The following PSPH variants were observed in gnomAD, a reference collection of about 807,000 sequenced individuals.
The protein encoded by PSPH is L-3-phosphoserine phosphatase.
In PSPH, 16 loss-of-function variants were observed where a neutral mutation model predicts 23.4. The ratio of observed to expected loss-of-function variants is 0.68; its 90% CI spans 0.46 to 1.04. The LOEUF (loss-of-function observed/expected upper bound fraction) is 1.04, where lower values mean the gene tolerates loss of function less well. Ranked by LOEUF, PSPH falls within the 50% of genes least tolerant of loss-of-function variation. The pLI, the probability that PSPH is intolerant of heterozygous loss-of-function variation, is 0.00. For synonymous variants in PSPH, 68 were observed against 99.7 expected (o/e 0.68, Z 1.89); for missense variants, 223 against 273.7 (o/e 0.81, Z 1.31).
rs1789377398 is a variant in PSPH, at chr7:56,021,291, C to A, written c.-19-60G>T. 5 of 1,412,014 alleles carry A rather than the reference C, an allele frequency of 3.5e-6. No individual in the cohort carries two copies. The Admixed American group carries it at 1.1e-4, about 32-fold the overall frequency. The allele number at this position is 1,412,014 out of a possible 1,614,324, so 87.5% of individuals were successfully genotyped here. On this transcript the variant is annotated intron_variant, in intron 3 of 7. Coordinates refer to ENST00000275605, the MANE Select transcript of PSPH (RefSeq NM_004577.4). ...CAAATAAAATTATGAAAAGATCCCA[C>A]CTTGCCTACTAAGCCAATCTAATTT... is the stretch of plus-strand genomic sequence containing the variant.
intron 1 of PSPH, among the ~76,000 whole-genome samples, chr7:56,042,308 G>C (rs1008831774): frequency 1.3e-5 from 2 of 151,770 alleles, no homozygotes; most frequent in African/African-American, 4.8e-5. Context: ...AGAGATTCAT[G>C]GAAAACATGA....
chr7:56,031,956 A>G lies in PSPH; in HGVS notation c.-47T>C, dbSNP rs1171164879. ...TTCTCCAGTGCTAGATTTCTAGGAG[A>G]CGACACTCTTCTGTTCCTTCCCTAG... On this transcript the variant is annotated 5_prime_UTR_variant, in exon 3 of 8. Transcript: ENST00000275605. 6.5e-6 allele frequency: 1 copy of G among 153,338 alleles called. No homozygotes were observed. Among genetic ancestry groups the G allele is most frequent in the Non-Finnish European group, 1.5e-5 (1 of 68,044 alleles). The allele number at this position is 153,338 out of a possible 1,614,324, so 9.5% of individuals were successfully genotyped here. A position where few individuals can be genotyped will look rare whatever the true frequency, so the allele number is the denominator to read the frequency against.
chr7:56,045,389 G>A (rs763287086), intron 1 of PSPH, among the ~76,000 whole-genome samples: 20 of 152,028 alleles, frequency 1.3e-4, no homozygotes, highest in Admixed American at 5.9e-4. Context: ...CTTGAGCCCA[G>A]AAGGTCGAGG....
At chr7:56,017,716 CTT>C (rs35860273) in intron 5 of PSPH, among the ~76,000 whole-genome samples, 1 of 82,384 alleles carries the variant, frequency 1.2e-5, no homozygotes, top group African/African-American at 4.8e-5. Context: ...CACCCAGTTA[CTT>C]TTTTTTTTTT....
At chr7:56,044,099 C>T (rs1040687095) in intron 1 of PSPH, among the ~76,000 whole-genome samples, 5 of 151,852 alleles carry the variant, frequency 3.3e-5, no homozygotes, top group African/African-American at 9.7e-5. Context: ...TGGGAATACA[C>T]GCCTGGCTAA....
chr7:56,012,626 TA>T (rs1788036644), intron 7 of PSPH, among the ~76,000 whole-genome samples: 2 of 151,342 alleles, frequency 1.3e-5, no homozygotes, highest in Non-Finnish European at 2.9e-5. Context: ...AAGCTAACAG[TA>T]AAAAGACTCA....
chr7:56,034,732 G>C (rs1791499390), intron 1 of PSPH, among the ~76,000 whole-genome samples: 1 of 152,102 alleles, frequency 6.6e-6, no homozygotes, highest in Non-Finnish European at 1.5e-5. Context: ...TAGCCAGGAT[G>C]GTCTCGATTT....
intron 1 of PSPH, among the ~76,000 whole-genome samples, chr7:56,045,967 T>C (rs1793184385): frequency 1.3e-5 from 2 of 150,352 alleles, no homozygotes; most frequent in African/African-American, 4.9e-5. Flanking sequence ...CAGCAAGCAG[T>C]GTGGGCAGTA....
chr7:56,049,906 G>A (rs969528438), intron 1 of PSPH, among the ~76,000 whole-genome samples: 2 of 150,532 alleles, frequency 1.3e-5, no homozygotes, highest in African/African-American at 4.9e-5. Context: ...AGGCCAGGCT[G>A]ATGTATTTTT....
chr7:56,029,993 A>AG (rs1051372157), intron 3 of PSPH, among the ~76,000 whole-genome samples: 166 of 88,420 alleles, frequency 1.9e-3, no homozygotes, highest in Non-Finnish European at 1.1e-3. Context: ...AAAAAAAAAG[A>AG]AAAAAAAAAA....
intron 5 of PSPH, among the ~76,000 whole-genome samples, 178 bp from the exon 6 acceptor site, chr7:56,017,557 C>CTT (rs966985189): frequency 6.9e-6 from 1 of 145,872 alleles, no homozygotes; most frequent in African/African-American, 2.5e-5. Flanking sequence ...TTTTCTTTTT[C>CTT]TTTTTTTTTT....
chr7:56,050,768 T>C (rs1056721078), intron 1 of PSPH, among the ~76,000 whole-genome samples: 1 of 152,208 alleles, frequency 6.6e-6, no homozygotes, highest in African/African-American at 2.4e-5. Flanking sequence ...ATTCATAGAG[T>C]ACCCAGGGGT....
intron 1 of PSPH, among the ~76,000 whole-genome samples, chr7:56,043,639 C>T (rs1028872904): frequency 2.0e-5 from 3 of 150,116 alleles, no homozygotes; most frequent in African/African-American, 7.3e-5. Flanking sequence ...CAACATGAGA[C>T]CACCCCTCCC....
Position 56,017,344 on chromosome 7 carries a change from T to C in PSPH, c.311A>G (p.Gln104Arg). The part of the protein sequence containing the change: ...LVSRLQERNV[Q>R]VFLISGGFRS... ...AAAGCCACCAGATATTAGGAAAACC[T>C]GAACATTTCGCTCCTGTAGGCGACT... The change falls in exon 6 of 8, where the codon CAG becomes CGG. Residue 104 changes from glutamine to arginine, a missense_variant. Physicochemically the swap from Gln to Arg is conservative, Grantham distance 43. Coordinates refer to ENST00000275605, the MANE Select transcript of PSPH (RefSeq NM_004577.4). The C allele has an allele frequency of 6.2e-7, 1 of 1,610,026 alleles. No homozygotes were observed. The highest frequency in any genetic ancestry group is 8.5e-7 in the Non-Finnish European group (1 of 1,178,452).
intron 2 of PSPH, among the ~76,000 whole-genome samples, chr7:56,032,919 C>G (rs1357684596): frequency 6.7e-6 from 1 of 150,370 alleles, no homozygotes; most frequent in Non-Finnish European, 1.5e-5. Context: ...TGCACTCTAG[C>G]CTGGGTGACC....
intron 7 of PSPH, among the ~76,000 whole-genome samples, chr7:56,014,565 G>T (rs574517925): frequency 6.6e-6 from 1 of 152,018 alleles, no homozygotes; most frequent in Non-Finnish European, 1.5e-5. Context: ...ATGTTGACCA[G>T]GCTGGTCTCA....
intron 1 of PSPH, among the ~76,000 whole-genome samples, chr7:56,048,442 A>G (rs1266249553): frequency 6.6e-6 from 1 of 152,160 alleles, no homozygotes; most frequent in Non-Finnish European, 1.5e-5. Context: ...TGACAACTAA[A>G]TGTGAAATGT....
chr7:56,021,425 C>CTTT (rs60876463), intron 3 of PSPH, among the ~76,000 whole-genome samples, 194 bp from the exon 4 acceptor site: 12 of 130,818 alleles, frequency 9.2e-5, no homozygotes, highest in South Asian at 2.5e-4. Context: ...TTCTTTCTTT[C>CTTT]TTTTTTTTTT....
rs531322634 is a variant in PSPH, at chr7:56,035,951, G to A, written c.-291-1845C>T. ...AGTTTTTTAAAAAGCATAATAGGCC[G>A]GGCACCTTGGCTCACGCCTGTAATC... is the stretch of plus-strand genomic sequence containing the variant. On this transcript the variant is annotated intron_variant, in intron 1 of 7. Coordinates refer to ENST00000275605, the MANE Select transcript of PSPH (RefSeq NM_004577.4). 6.6e-5 allele frequency among the ~76,000 whole-genome samples: 10 copies of A among 151,566 alleles called. No individual in the cohort carries two copies. In the South Asian group the frequency reaches 1.3e-3, roughly 19 times the overall value.
Sources: allele counts gnomAD v4.1 joint callset (sites outside exome capture counted in the v4.1 genomes callset), GRCh38; gene constraint gnomAD v4.1.1; transcripts MANE v1.5; gene names NCBI Gene and HGNC (gene_info 2026-07-23, HGNC 2026-07-21).